Variants in SLC41A3 observed in about 807,000 individuals in gnomAD.
SLC41A3 encodes solute carrier family 41 member 3, also known as SLC41A1-like 2.
A neutral mutation model predicts 45.4 loss-of-function variants in SLC41A3; 44 were observed. The ratio of observed to expected loss-of-function variants is 0.97; its 90% CI spans 0.76 to 1.25. The LOEUF is 1.25. Among genes scored for constraint, SLC41A3 ranks in the 50% most tolerant of loss-of-function variants. The pLI, the probability that SLC41A3 is intolerant of heterozygous loss-of-function variation, is 0.00. For missense variants in SLC41A3, 550 were observed against 600.6 expected, an observed-to-expected ratio of 0.92 and a Z score of 0.88; for synonymous variants, 256 against 252.4, an observed-to-expected ratio of 1.01 and a Z score of -0.13.
intron 2 of SLC41A3, among the ~76,000 whole-genome samples, chr3:126,062,885 C>G (rs1228937479): frequency 6.6e-6 from 1 of 152,220 alleles, no homozygotes; most frequent in African/African-American, 2.4e-5. Flanking sequence ...AAGTTAATAT[C>G]AGCAGTTACT....
chr3:126,050,763 G>A, intron 3 of SLC41A3, 180 bp downstream of exon 3: 2 of 1,146,862 alleles, frequency 1.7e-6, no homozygotes, highest in Non-Finnish European at 2.3e-6. Flanking sequence ...GTTTGGTAGT[G>A]GAAAGCCAAG....
At chr3:126,087,342 G>T (rs1945412763), upstream of SLC41A3, among the ~76,000 whole-genome samples, 1 of 152,008 alleles carries the variant, frequency 6.6e-6, no homozygotes, top group Non-Finnish European at 1.5e-5. Flanking sequence ...CACAGTTTTT[G>T]TTAATAATCC....
chr3:126,014,491 ATTGT>A (rs143897753), intron 8 of SLC41A3, among the ~76,000 whole-genome samples: 3,047 of 152,248 alleles, frequency 0.02, 98 homozygotes, highest in African/African-American at 0.069. Context: ...ATTCATGCAG[ATTGT>A]TTGGCCACTG....
chr3:126,092,411 A>G (rs893586834), intron 1 of SLC41A3, among the ~76,000 whole-genome samples: 4 of 152,112 alleles, frequency 2.6e-5, no homozygotes, highest in African/African-American at 9.7e-5. Context: ...TTTAGTTAAT[A>G]TATCTATAGA....
At chr3:126,093,642 T>C (rs9819434) in intron 1 of SLC41A3, among the ~76,000 whole-genome samples, 92,733 of 149,724 alleles carry the variant, frequency 0.62, 28,698 homozygotes, top group African/African-American at 0.72. Context: ...GTCATTGATT[T>C]AGATTACAAT....
chr3:126,101,073 C>T lies in SLC41A3; in HGVS notation c.-79+356G>A, dbSNP rs775656624. 4.6e-5 allele frequency among the ~76,000 whole-genome samples: 7 copies of T among 152,346 alleles called. No individual in the cohort carries two copies. The East Asian group carries it at 5.8e-4, about 13-fold the overall frequency. ...ATGTTGGACTCGGCTTCCTCCATCGCGGGCAGCCGCACACCCCTCCTTCCC... is the reference window on the plus strand; with the variant it reads ...ATGTTGGACTCGGCTTCCTCCATCGTGGGCAGCCGCACACCCCTCCTTCCC... On this transcript the variant is annotated intron_variant, in intron 1 of 9. Transcript: ENST00000508835.
Position 126,026,546 on chromosome 3 carries a change from C to T in SLC41A3, c.454-67G>A, listed in dbSNP as rs1941368899. On this transcript the variant is annotated intron_variant, in intron 4 of 10. Coordinates refer to ENST00000360370, the MANE Select transcript of SLC41A3 (RefSeq NM_017836.4). This position sits in a 1 kb window ranked among gnomAD's most constrained non-coding sequence, Gnocchi z 4.2. ...CCACAGCCACACTCCCTGCCCTTCA[C>T]ACCTCACTCACCGCAAGGGGCCGGG... 1.9e-6 allele frequency: 3 copies of T among 1,548,930 alleles called. No homozygotes were observed. The highest frequency in any genetic ancestry group is 2.6e-6 in the Non-Finnish European group (3 of 1,143,240).
intron 3 of SLC41A3, among the ~76,000 whole-genome samples, chr3:126,045,424 A>C (rs904701174): frequency 6.6e-6 from 1 of 152,016 alleles, no homozygotes; most frequent in Admixed American, 6.6e-5. Flanking sequence ...GTCTCAAAAA[A>C]CTATAATTAA....
At chr3:126,052,499 T>C (rs1943397248) in intron 2 of SLC41A3, among the ~76,000 whole-genome samples, 1 of 152,232 alleles carries the variant, frequency 6.6e-6, no homozygotes, top group African/African-American at 2.4e-5. Flanking sequence ...GCCTTCCTCC[T>C]GCTCTCTGAG....
chr3:126,058,860 C>T (rs1395956373), intron 2 of SLC41A3, among the ~76,000 whole-genome samples: 1 of 152,150 alleles, frequency 6.6e-6, no homozygotes, highest in East Asian at 1.9e-4. Context: ...CCGTGCTCCT[C>T]CCCTCTGCTG....
chr3:126,056,255 C>T, intron 2 of SLC41A3: 1 of 1,437,394 alleles, frequency 7.0e-7, no homozygotes, highest in Non-Finnish European at 9.5e-7. Flanking sequence ...GCTGCCCTCC[C>T]ACTGTAGAGG....
chr3:126,058,926 C>A (rs993070769), intron 2 of SLC41A3, among the ~76,000 whole-genome samples: 4 of 152,234 alleles, frequency 2.6e-5, no homozygotes, highest in African/African-American at 9.6e-5. Context: ...CCAGCTGAGG[C>A]ACCTCCTCTC....
chr3:126,064,157 C>T (rs540240745), intron 2 of SLC41A3, among the ~76,000 whole-genome samples: 1 of 152,086 alleles, frequency 6.6e-6, no homozygotes, highest in East Asian at 1.9e-4. Context: ...TGGGGTAAGG[C>T]CTAAAACTAC....
chr3:126,048,222 A>G (rs1210116494), intron 3 of SLC41A3, among the ~76,000 whole-genome samples: 3 of 152,192 alleles, frequency 2.0e-5, no homozygotes, highest in African/African-American at 7.2e-5. Flanking sequence ...TTTGCCATTC[A>G]GGAACTTCTC....
chr3:126,060,661 GAAGAA>G (rs1463250997), intron 2 of SLC41A3, among the ~76,000 whole-genome samples: 1 of 151,512 alleles, frequency 6.6e-6, no homozygotes, highest in Non-Finnish European at 1.5e-5. Flanking sequence ...GAAAACCTGA[GAAGAA>G]AACATGTCAA....
chr3:126,044,517 C>A (rs1942813349), intron 3 of SLC41A3, among the ~76,000 whole-genome samples: 1 of 152,108 alleles, frequency 6.6e-6, no homozygotes, highest in African/African-American at 2.4e-5. Context: ...ACATTTTTCT[C>A]AATGAAATGT....
intron 1 of SLC41A3, chr3:126,095,320 A>G (rs1945575682): frequency 1.6e-6 from 1 of 618,996 alleles, no homozygotes; most frequent in African/African-American, 1.9e-5. Flanking sequence ...GATGCTCAGG[A>G]GGACCCCAAC....
intron 6 of SLC41A3, among the ~76,000 whole-genome samples, chr3:126,017,605 C>T (rs184406672): frequency 6.6e-6 from 1 of 152,212 alleles, no homozygotes; most frequent in East Asian, 1.9e-4. Flanking sequence ...TGAGGGTCCC[C>T]CACAAGTGAC....
At chr3:126,083,528 A>G (rs1452621950) in intron 1 of SLC41A3, among the ~76,000 whole-genome samples, 2 of 152,070 alleles carry the variant, frequency 1.3e-5, no homozygotes, top group African/African-American at 4.8e-5. Flanking sequence ...TTTCTTCACC[A>G]GAGGTTTGCA....
Sources: gnomAD v4.1 joint callset for allele counts (sites outside exome capture counted in the v4.1 genomes callset) on GRCh38, gnomAD v4.1.1 for gene constraint, Gnocchi (gnomAD v3.1) non-coding constraint, MANE v1.5 for transcripts, NCBI Gene and HGNC (gene_info 2026-07-23, HGNC 2026-07-21) for gene names.